Variants in PTPRD observed in about 807,000 individuals in gnomAD.
The protein encoded by PTPRD is protein tyrosine phosphatase receptor type D, also known as receptor-type tyrosine-protein phosphatase delta.
A neutral mutation model predicts 214.5 loss-of-function variants in PTPRD; 34 were observed. That is an observed-to-expected ratio of 0.16 (90% CI 0.12 to 0.21). The LOEUF (loss-of-function observed/expected upper bound fraction) is 0.21. Among genes scored for constraint, PTPRD ranks in the 10% least tolerant of loss-of-function variants. The pLI is 1.00. For synonymous variants in PTPRD, 1,128 were observed against 845.7 expected, an observed-to-expected ratio of 1.33 and a Z score of -5.79; for missense variants, 2,545 against 2,398.7, an observed-to-expected ratio of 1.06 and a Z score of -1.27.
At chr9:9,631,234 GA>G (rs797012295) in intron 7 of PTPRD, among the ~76,000 whole-genome samples, 2,165 of 118,600 alleles carry the variant, frequency 0.018, 49 homozygotes, top group African/African-American at 0.059. Flanking sequence ...AAAAGAAAAA[GA>G]AAAAAAAAAA....
At chr9:9,629,780 C>G (rs1290178835) in intron 7 of PTPRD, among the ~76,000 whole-genome samples, 1 of 152,072 alleles carries the variant, frequency 6.6e-6, no homozygotes, top group East Asian at 1.9e-4. Context: ...CCGCTAGAGA[C>G]AGGTGATTAA....
intron 5 of PTPRD, among the ~76,000 whole-genome samples, chr9:9,918,638 C>T (rs550224410): frequency 5.0e-4 from 76 of 152,166 alleles, no homozygotes; most frequent in Non-Finnish European, 8.1e-4. Context: ...CGTGACGCTA[C>T]CAGACTTCAA....
chr9:9,495,639 C>T (rs898644314), intron 8 of PTPRD, among the ~76,000 whole-genome samples: 1 of 152,070 alleles, frequency 6.6e-6, no homozygotes, highest in Non-Finnish European at 1.5e-5. Flanking sequence ...CTTCCCATCC[C>T]CGCCCCGACT....
At chr9:9,916,536 T>C (rs1187285842) in intron 5 of PTPRD, among the ~76,000 whole-genome samples, 1 of 151,864 alleles carries the variant, frequency 6.6e-6, no homozygotes, top group Admixed American at 6.6e-5. Context: ...TATATATATA[T>C]ACATGTATGT....
chr9:8,684,177 T>G (rs974714802), intron 12 of PTPRD, among the ~76,000 whole-genome samples: 6 of 152,202 alleles, frequency 3.9e-5, no homozygotes, highest in African/African-American at 1.4e-4. Flanking sequence ...GCTACCAACG[T>G]TTTGTGTCAT....
At chr9:10,122,522 A>AG (rs2098784334) in intron 3 of PTPRD, among the ~76,000 whole-genome samples, 1 of 152,060 alleles carries the variant, frequency 6.6e-6, no homozygotes, top group African/African-American at 2.4e-5. Context: ...ATGAAGAATA[A>AG]GAAAAAAAAA....
chr9:8,563,498 C>A (rs4742519), intron 14 of PTPRD, among the ~76,000 whole-genome samples: 2 of 145,354 alleles, frequency 1.4e-5, no homozygotes, highest in Non-Finnish European at 3.0e-5. Context: ...AGTGCAGTGG[C>A]GCAATCTTGG....
chr9:10,019,573 T>C (rs2096800673), intron 4 of PTPRD, among the ~76,000 whole-genome samples: 1 of 152,138 alleles, frequency 6.6e-6, no homozygotes, highest in African/African-American at 2.4e-5. Context: ...GTGGCACATA[T>C]ACACCATGGA....
At chr9:9,811,119 T>G (rs2046997475) in intron 5 of PTPRD, among the ~76,000 whole-genome samples, 1 of 152,208 alleles carries the variant, frequency 6.6e-6, no homozygotes, top group Non-Finnish European at 1.5e-5. Context: ...ACACCTATAA[T>G]TCCAGCTACT....
At chr9:8,899,569 C>T (rs1353443407) in intron 11 of PTPRD, among the ~76,000 whole-genome samples, 1 of 152,062 alleles carries the variant, frequency 6.6e-6, no homozygotes, top group African/African-American at 2.4e-5. Context: ...TTTTTGCTCC[C>T]CCCATCCTGC....
chr9:10,428,670 T>C (rs679452), intron 2 of PTPRD, among the ~76,000 whole-genome samples: 4,049 of 152,134 alleles, frequency 0.027, 164 homozygotes, highest in African/African-American at 0.091. Flanking sequence ...AGAATCAAAA[T>C]TACTCAGTTG....
intron 10 of PTPRD, among the ~76,000 whole-genome samples, chr9:9,038,449 G>A (rs1188825614): frequency 2.0e-5 from 3 of 151,690 alleles, no homozygotes; most frequent in Admixed American, 6.6e-5. Flanking sequence ...ACATGTACAC[G>A]AACATGTATA....
intron 39 of PTPRD, among the ~76,000 whole-genome samples, chr9:8,344,098 G>T (rs973395995): frequency 1.3e-5 from 2 of 151,988 alleles, no homozygotes; most frequent in Non-Finnish European, 2.9e-5. Context: ...TGTCTTTCTG[G>T]GTTTCTTTCA....
At chr9:8,419,530 C>T (rs1254780289) in intron 35 of PTPRD, among the ~76,000 whole-genome samples, 1 of 151,978 alleles carries the variant, frequency 6.6e-6, no homozygotes, top group Non-Finnish European at 1.5e-5. Flanking sequence ...GCACGCTCTA[C>T]AAGATAGAGC....
chr9:10,473,553 T>C (rs1056003678), intron 2 of PTPRD, among the ~76,000 whole-genome samples: 1 of 152,144 alleles, frequency 6.6e-6, no homozygotes. Context: ...TGTGTTTGTA[T>C]GGAATTGTAA....
At chr9:8,919,133 C>A (rs898820174) in intron 11 of PTPRD, among the ~76,000 whole-genome samples, 1 of 152,154 alleles carries the variant, frequency 6.6e-6, no homozygotes, top group Non-Finnish European at 1.5e-5. Flanking sequence ...AAATTTCAAC[C>A]TGTAATCCCA....
At chr9:10,137,967 T>C (rs2098954667) in intron 3 of PTPRD, among the ~76,000 whole-genome samples, 1 of 151,786 alleles carries the variant, frequency 6.6e-6, no homozygotes, top group African/African-American at 2.4e-5. Flanking sequence ...TAATCTAACA[T>C]CACACCTAGA....
At position 9,204,478 on chromosome 9, in the gene PTPRD, A is replaced by G. The variant is rs563128424; in HGVS notation, c.-202-21115T>C. On this transcript the variant is annotated intron_variant, in intron 9 of 45. Coordinates refer to ENST00000381196, the MANE Select transcript of PTPRD (RefSeq NM_002839.4). ...AAAGCCTAGCTCAGACACTTTACAGAGTTTCCTAGCCTCTAAGCATTACCG... is the reference window on the plus strand; with the variant it reads ...AAAGCCTAGCTCAGACACTTTACAGGGTTTCCTAGCCTCTAAGCATTACCG... Among the ~76,000 whole-genome samples the G allele has an allele frequency of 1.5e-3, 225 of 152,156 alleles. 1 individual carries two copies. The highest frequency in any genetic ancestry group is 2.5e-3 in the Non-Finnish European group (170 of 68,038).
intron 7 of PTPRD, among the ~76,000 whole-genome samples, chr9:9,583,281 G>T (rs563349044): frequency 6.6e-6 from 1 of 152,082 alleles, no homozygotes; most frequent in African/African-American, 2.4e-5. Context: ...TCTCTTAACT[G>T]AAAATTTATA....
Sources: gnomAD v4.1 joint callset for allele counts (sites outside exome capture counted in the v4.1 genomes callset) on GRCh38, gnomAD v4.1.1 for gene constraint, MANE v1.5 for transcripts, NCBI Gene and HGNC (gene_info 2026-07-23, HGNC 2026-07-21) for gene names.